Variants in KLHL4 observed in about 807,000 individuals in gnomAD.
KLHL4 encodes kelch-like protein 4.
KLHL4 carries 17 observed loss-of-function variants against 45.8 expected under a neutral mutation model. The observed-to-expected ratio is 0.37, with a 90% CI of 0.25 to 0.56. KLHL4 has a LOEUF of 0.56. Among genes scored for constraint, KLHL4 ranks in the 20% least tolerant of loss-of-function variants. The pLI is 0.79. For missense variants in KLHL4, 544 were observed against 544.9 expected (o/e 1.00, Z 0.02); for synonymous variants, 224 against 189.9 (o/e 1.18, Z -1.47).
chrX:87,614,579 C>T lies in KLHL4; in HGVS notation c.727+9C>T. ...GCAGTATGCTTACACAGGTAAGTGC[C>T]AAATACACATTAACTCATAATGACC... On this transcript the variant is annotated intron_variant, in intron 3 of 10. Transcript: ENST00000373119. 2 of 1,195,339 alleles carry T rather than the reference C, an allele frequency of 1.7e-6. No homozygotes were observed. The highest frequency in any genetic ancestry group is 2.3e-6 in the Non-Finnish European group (2 of 885,189).
At chrX:87,636,183 G>A (rs990715320) in intron 9 of KLHL4, among the ~76,000 whole-genome samples, 2 of 111,705 alleles carry the variant, frequency 1.8e-5, no homozygotes, top group African/African-American at 6.5e-5. Context: ...ATACATTTCA[G>A]ATTCAGCATA....
chrX:87,524,864 T>TA (rs1018262474), intron 1 of KLHL4, among the ~76,000 whole-genome samples: 46 of 111,438 alleles, frequency 4.1e-4, no homozygotes, highest in African/African-American at 1.1e-3. Flanking sequence ...AGCTTTTCTT[T>TA]AAAAAAAATG....
chrX:87,618,562 G>A (rs767092486), intron 4 of KLHL4, among the ~76,000 whole-genome samples: 12 of 111,537 alleles, frequency 1.1e-4, no homozygotes, highest in Non-Finnish European at 2.3e-4. Context: ...AATTAGTGGC[G>A]CAATCTCAGC....
At chrX:87,625,018 T>C (rs977863063) in intron 5 of KLHL4, among the ~76,000 whole-genome samples, 2 of 112,607 alleles carry the variant, frequency 1.8e-5, no homozygotes, top group African/African-American at 6.5e-5. Flanking sequence ...CTACTTGTAT[T>C]AGCCACATGC....
intron 1 of KLHL4, among the ~76,000 whole-genome samples, chrX:87,543,094 C>T (rs1425021624): frequency 9.0e-6 from 1 of 111,017 alleles, no homozygotes; most frequent in African/African-American, 3.3e-5. Flanking sequence ...GAAGAAGGTG[C>T]CTGCTACCCC....
At chrX:87,551,301 A>G (rs6617412) in intron 1 of KLHL4, among the ~76,000 whole-genome samples, 26,550 of 108,482 alleles carry the variant, frequency 0.24, 2,762 homozygotes, top group East Asian at 0.51. Context: ...ATACCTAACC[A>G]AAAGACCTCT....
At chrX:87,649,200 G>A (rs764466333) in intron 9 of KLHL4, among the ~76,000 whole-genome samples, 47 of 111,058 alleles carry the variant, frequency 4.2e-4, no homozygotes, top group Middle Eastern at 4.6e-3. Flanking sequence ...TTACCTCTCC[G>A]CAGCCACTGG....
intron 6 of KLHL4, among the ~76,000 whole-genome samples, chrX:87,626,161 C>T (rs1427576103): frequency 9.0e-6 from 1 of 111,451 alleles, no homozygotes; most frequent in African/African-American, 3.3e-5. Context: ...AGAATGCGCC[C>T]ATTCTTAACC....
chrX:87,664,442 A>G (rs1421223520), intron 9 of KLHL4, among the ~76,000 whole-genome samples: 1 of 112,003 alleles, frequency 8.9e-6, no homozygotes, highest in Admixed American at 9.5e-5. Flanking sequence ...CTTCAATCAG[A>G]CTACTAAATG....
At chrX:87,614,929 A>G (rs777117989) in intron 3 of KLHL4, among the ~76,000 whole-genome samples, 20 of 111,318 alleles carry the variant, frequency 1.8e-4, no homozygotes, top group Non-Finnish European at 3.2e-4. Flanking sequence ...TGGGAATGGG[A>G]TCTTCCAATC....
chrX:87,614,944 A>G (rs1050888855), intron 3 of KLHL4, among the ~76,000 whole-genome samples: 13 of 111,516 alleles, frequency 1.2e-4, no homozygotes, highest in African/African-American at 4.2e-4. Context: ...CCAATCCTAC[A>G]GTAGAGATTT....
In KLHL4 at chrX:87,543,589, A is replaced by G. The variant is rs181175618; in HGVS notation, c.422+25274A>G. 8.8e-3 allele frequency among the ~76,000 whole-genome samples: 979 copies of G among 110,968 alleles called. 7 individuals carry two copies. The highest frequency in any genetic ancestry group is 0.03 in the African/African-American group (929 of 30,488). Reference sequence around the variant, plus strand: ...ACGGCAATTATAAGGCATTGAACTCACTGTTGTTTTGTTAGAGTACAAAGG... The same window carrying G: ...ACGGCAATTATAAGGCATTGAACTCGCTGTTGTTTTGTTAGAGTACAAAGG... On this transcript the variant is annotated intron_variant, in intron 1 of 10. Coordinates refer to ENST00000373119, the MANE Select transcript of KLHL4 (RefSeq NM_019117.5).
rs1443012151 is a variant in KLHL4, at chrX:87,669,669, A to T, written c.*3135A>T. 2 of 231,385 alleles carry T rather than the reference A, an allele frequency of 8.6e-6. No homozygotes were observed. Among genetic ancestry groups the T allele is most frequent in the African/African-American group, 5.8e-5 (2 of 34,554 alleles). The allele number at this position is 231,385 out of a possible 1,213,427, so 19.1% of individuals were successfully genotyped here. On this transcript the variant is annotated 3_prime_UTR_variant, in exon 11 of 11. Coordinates refer to ENST00000373119, the MANE Select transcript of KLHL4 (RefSeq NM_019117.5). ...ATCATTCTATGTTTACTTTCTCCCAATCACATCACCTGAGGTAGAAGAGAT... is the reference window on the plus strand; with the variant it reads ...ATCATTCTATGTTTACTTTCTCCCATTCACATCACCTGAGGTAGAAGAGAT...
Position 87,597,556 on chromosome X carries a change from A to G in KLHL4, c.423-16321A>G, listed in dbSNP as rs922303632. 2.7e-5 allele frequency among the ~76,000 whole-genome samples: 3 copies of G among 111,824 alleles called. No homozygotes were observed. In the Admixed American group the frequency reaches 2.9e-4, roughly 11 times the overall value. ...TTCTAATTGCAATTCAGTGAGATAA[A>G]TAAATTATGATAAGTTTTAGGCATA... is the stretch of plus-strand genomic sequence containing the variant. On this transcript the variant is annotated intron_variant, in intron 1 of 10. Coordinates refer to ENST00000373119, the MANE Select transcript of KLHL4 (RefSeq NM_019117.5).
At chrX:87,662,410 T>G (rs1924217736) in intron 9 of KLHL4, among the ~76,000 whole-genome samples, 1 of 112,036 alleles carries the variant, frequency 8.9e-6, no homozygotes, top group Admixed American at 9.5e-5. Context: ...TTAGACAACT[T>G]TGAATGCTGA....
In KLHL4 at chrX:87,622,258, A is replaced by G; in HGVS notation, c.972A>G (p.Pro324=). The change falls in exon 5 of 11, where the codon CCA becomes CCG. Residue 324 remains proline (P), a synonymous_variant. Coordinates refer to ENST00000373119, the MANE Select transcript of KLHL4 (RefSeq NM_019117.5). ...AAAACCAAGAATTCCTCCTGCTTCC[A>G]GCTAATGAAATTTCAAAACTTCTGT... ...VIKNQEFLLL[P]ANEISKLLCS... is the part of the protein sequence containing the mutation. 8.3e-7 allele frequency: 1 copy of G among 1,209,844 alleles called. No individual in the cohort carries two copies. Among genetic ancestry groups the G allele is most frequent in the Non-Finnish European group, 1.1e-6 (1 of 893,910 alleles).
intron 9 of KLHL4, among the ~76,000 whole-genome samples, chrX:87,643,062 A>G (rs905939213): frequency 8.9e-6 from 1 of 111,806 alleles, no homozygotes; most frequent in African/African-American, 3.2e-5. Flanking sequence ...TGGAAATTTT[A>G]TCACAAAAAG....
chrX:87,580,632 A>G (rs1436609659), intron 1 of KLHL4, among the ~76,000 whole-genome samples: 1 of 112,055 alleles, frequency 8.9e-6, no homozygotes, highest in African/African-American at 3.2e-5. Flanking sequence ...CAAAGAAGGT[A>G]ATTTTATAAT....
chrX:87,639,559 C>A (rs1419009604), intron 9 of KLHL4, among the ~76,000 whole-genome samples: 1 of 111,234 alleles, frequency 9.0e-6, no homozygotes, highest in Non-Finnish European at 1.9e-5. Context: ...CTAGAAGAAA[C>A]CCTCAAAACC....
Sources: allele counts gnomAD v4.1 joint callset (sites outside exome capture counted in the v4.1 genomes callset), GRCh38; gene constraint gnomAD v4.1.1; transcripts MANE v1.5; gene names NCBI Gene and HGNC (gene_info 2026-07-23, HGNC 2026-07-21).